Variants in DNAJC19 observed in about 807,000 individuals in gnomAD.
DNAJC19 encodes DnaJ heat shock protein family (Hsp40) member C19, also known as mitochondrial import inner membrane translocase subunit TIM14.
Under a neutral mutation model 19.8 loss-of-function variants are expected in DNAJC19, and 15 were observed. The observed-to-expected ratio is 0.76, with a 90% confidence interval of 0.51 to 1.17. The LOEUF (loss-of-function observed/expected upper bound fraction) is 1.17, where lower values mean the gene tolerates loss of function less well. Ranked by LOEUF, DNAJC19 falls within the 50% of genes most tolerant of loss-of-function variation. The pLI, the probability that DNAJC19 is intolerant of heterozygous loss-of-function variation, is 0.00. For synonymous variants in DNAJC19, 38 were observed against 42.1 expected, an observed-to-expected ratio of 0.90 and a Z score of 0.38; for missense variants, 105 against 140.9, an observed-to-expected ratio of 0.75 and a Z score of 1.29.
At chr3:180,987,046 A>G (rs768077109) in intron 3 of DNAJC19, 24 bp from the exon 4 acceptor site, 3 of 1,599,022 alleles carry the variant, frequency 1.9e-6, no homozygotes, top group Non-Finnish European at 2.6e-6. Context: ...TGCATTTGTA[A>G]AGAAAGGTTA....
intron 1 of DNAJC19, 133 bp downstream of exon 1, chr3:180,989,467 C>G: frequency 6.5e-7 from 1 of 1,529,840 alleles, no homozygotes; most frequent in Non-Finnish European, 8.8e-7. Context: ...GTGAGTGTGA[C>G]TCCCCAATAA....
chr3:180,986,130 C>CG, intron 4 of DNAJC19, 134 bp from the exon 5 acceptor site: 1 of 726,320 alleles, frequency 1.4e-6, no homozygotes, highest in South Asian at 1.5e-5. Context: ...TGTTTAGAAA[C>CG]CTCAACACAC....
chr3:180,985,824 T>A, intron 5 of DNAJC19, 102 bp downstream of exon 5: 1 of 1,010,152 alleles, frequency 9.9e-7, no homozygotes. Context: ...CTTACAGATT[T>A]AAGTGTTACC....
chr3:180,984,843 A>C (rs1714817591), intron 5 of DNAJC19, 133 bp from the exon 6 acceptor site: 3 of 630,646 alleles, frequency 4.8e-6, no homozygotes, highest in Non-Finnish European at 8.2e-6. Flanking sequence ...TTAATTTTTA[A>C]AAAATAACCC....
At chr3:180,989,540 G>C in intron 1 of DNAJC19, 60 bp downstream of exon 1, 1 of 1,558,280 alleles carries the variant, frequency 6.4e-7, no homozygotes, top group Non-Finnish European at 8.7e-7. Flanking sequence ...CTCCGAGGCG[G>C]GGAGCTGAGG....
intron 3 of DNAJC19, chr3:180,987,339 T>G (rs1363922645): frequency 2.9e-6 from 1 of 339,990 alleles, no homozygotes; most frequent in Non-Finnish European, 5.5e-6. Flanking sequence ...AGCCATATTC[T>G]AGATAAAAAT....
rs932664824 is a variant in DNAJC19, at chr3:180,984,426, A to G, written c.*214T>C. On this transcript the variant is annotated 3_prime_UTR_variant, in exon 6 of 6. Coordinates refer to ENST00000382564, the MANE Select transcript of DNAJC19 (RefSeq NM_145261.4). ...GTAATGAACAATATTTCTATTCAGA[A>G]GGTGTGTGCTTGCCCATAATTAATA... 1 of 577,654 alleles carries G rather than the reference A, an allele frequency of 1.7e-6. No homozygotes were observed. The highest frequency in any genetic ancestry group is 1.8e-5 in the African/African-American group (1 of 54,152). The allele number at this position is 577,654 out of a possible 1,614,324, so 35.8% of individuals were successfully genotyped here.
rs1345796506 is a variant in DNAJC19, at chr3:180,984,012, G to A, written c.*628C>T. The A allele has an allele frequency of 2.2e-6, 1 of 453,954 alleles. No individual in the cohort carries two copies. Among genetic ancestry groups the A allele is most frequent in the Non-Finnish European group, 4.4e-6 (1 of 226,736 alleles). 28.1% of individuals were successfully genotyped at this position (453,954 alleles called of 1,614,324 possible). A position where few individuals can be genotyped will look rare whatever the true frequency, so the allele number is the denominator to read the frequency against. On this transcript the variant is annotated 3_prime_UTR_variant, in exon 6 of 6. Transcript: ENST00000382564. ...CAGGAGGTTGAGGCTGCAATGAACT[G>A]TGATTGTACCAGACCTGTACTCTGA...
chr3:180,988,315 C>T, intron 1 of DNAJC19, 86 bp from the exon 2 acceptor site: 1 of 1,256,468 alleles, frequency 8.0e-7, no homozygotes, highest in Non-Finnish European at 1.1e-6. Context: ...CAACTCATTA[C>T]AAACTGCATT....
At chr3:180,989,272 C>T (rs1715094204) in intron 1 of DNAJC19, 1 of 1,317,148 alleles carries the variant, frequency 7.6e-7, no homozygotes, top group Non-Finnish European at 9.8e-7. Flanking sequence ...TGTGTTAGGG[C>T]AAGGGCACTT....
chr3:180,984,608 A>G lies in DNAJC19; in HGVS notation c.*32T>C. ...AACTTAGTACTCATATACATAAACTAATACGAACTTAAAATTCATCATACA... is the reference window on the plus strand; with the variant it reads ...AACTTAGTACTCATATACATAAACTGATACGAACTTAAAATTCATCATACA... On this transcript the variant is annotated 3_prime_UTR_variant, in exon 6 of 6. Coordinates refer to ENST00000382564, the MANE Select transcript of DNAJC19 (RefSeq NM_145261.4). The G allele has an allele frequency of 6.7e-7, 1 of 1,495,904 alleles. No homozygotes were observed. Among genetic ancestry groups the G allele is most frequent in the Non-Finnish European group, 9.2e-7 (1 of 1,083,434 alleles). 92.7% of individuals were successfully genotyped at this position (1,495,904 alleles called of 1,614,324 possible).
At chr3:180,985,665 T>C in intron 5 of DNAJC19, 1 of 416,810 alleles carries the variant, frequency 2.4e-6, no homozygotes, top group Non-Finnish European at 4.3e-6. Flanking sequence ...TTTACGAAAT[T>C]TAACGTTTTA....
At chr3:180,985,277 A>T (rs1714842530) in intron 5 of DNAJC19, 1 of 153,754 alleles carries the variant, frequency 6.5e-6, no homozygotes, top group Admixed American at 6.5e-5. Flanking sequence ...AGCAAGAAAT[A>T]ACAGGAAATT....
intron 3 of DNAJC19, chr3:180,987,642 ATGT>A: frequency 3.0e-6 from 1 of 330,614 alleles, no homozygotes; most frequent in South Asian, 2.7e-5. Flanking sequence ...CCTATGTATG[ATGT>A]TTGGGAGTGC....
Position 180,984,172 on chromosome 3 carries a change from CA to C in DNAJC19, c.*467del, listed in dbSNP as rs749423439. ...AAATTCACTTTTAAATACAAGGTTC[CA>C]AGTATCCAAGTTGCCAGGCCAGTTG... is the stretch of plus-strand genomic sequence containing the variant. On this transcript the variant is annotated 3_prime_UTR_variant, in exon 6 of 6. Transcript: ENST00000382564. The C allele has an allele frequency of 2.2e-6, 1 of 454,086 alleles. No individual in the cohort carries two copies. The highest frequency in any genetic ancestry group is 1.6e-5 in the South Asian group (1 of 64,474). The allele number at this position is 454,086 out of a possible 1,614,324, so 28.1% of individuals were successfully genotyped here. A position where few individuals can be genotyped will look rare whatever the true frequency, so the allele number is the denominator to read the frequency against.
At chr3:180,988,343 T>C in intron 1 of DNAJC19, 114 bp from the exon 2 acceptor site, 2 of 996,032 alleles carry the variant, frequency 2.0e-6, no homozygotes, top group Non-Finnish European at 2.9e-6. Context: ...GAGAAACAAC[T>C]TTTTTTTTTC....
chr3:180,989,533 C>T (rs1034974123), intron 1 of DNAJC19, 67 bp downstream of exon 1: 1 of 1,555,782 alleles, frequency 6.4e-7, no homozygotes, highest in African/African-American at 1.4e-5. Context: ...TCCACACCTC[C>T]GAGGCGGGGA....
chr3:180,989,662 G>A lies in DNAJC19; in HGVS notation c.-60C>T, dbSNP rs776922253. On this transcript the variant is annotated 5_prime_UTR_variant, in exon 1 of 6. Coordinates refer to ENST00000382564, the MANE Select transcript of DNAJC19 (RefSeq NM_145261.4). ...CACGGCTCATCCCAGCTCAGAGGCCGCGGCCAACACCTGCACGCCTTTACC... is the reference window on the plus strand; with the variant it reads ...CACGGCTCATCCCAGCTCAGAGGCCACGGCCAACACCTGCACGCCTTTACC... 39 of 1,566,764 alleles carry A rather than the reference G, an allele frequency of 2.5e-5. No homozygotes were observed. Among genetic ancestry groups the A allele is most frequent in the Admixed American group, 3.8e-5 (2 of 53,162 alleles).
At chr3:180,988,143 C>T (rs1715005436) in intron 2 of DNAJC19, 35 bp downstream of exon 2, 2 of 1,614,026 alleles carry the variant, frequency 1.2e-6, no homozygotes, top group Non-Finnish European at 1.7e-6. Context: ...TCCAATCTCC[C>T]CGACTTCACT....
Sources: gnomAD v4.1 joint callset for allele counts on GRCh38, gnomAD v4.1.1 for gene constraint, MANE v1.5 for transcripts, NCBI Gene and HGNC (gene_info 2026-07-23, HGNC 2026-07-21) for gene names.